The following RPS6KC1 variants were observed in gnomAD, a reference collection of about 807,000 sequenced individuals.
RPS6KC1 encodes inactive ribosomal protein S6 kinase delta-1.
In RPS6KC1, 54 loss-of-function variants were observed where a neutral mutation model predicts 103.8. That is an observed-to-expected ratio of 0.52 (90% CI 0.42 to 0.65). RPS6KC1 has a LOEUF of 0.65. RPS6KC1 is among the 30% of genes least tolerant of loss of function. The probability of loss-of-function intolerance (pLI) is 0.00; values close to 1 mark genes in which losing one functional copy is unlikely to be tolerated. For missense variants in RPS6KC1, 1,151 were observed against 1,253.8 expected (o/e 0.92, Z 1.24); for synonymous variants, 439 against 438.7 (o/e 1.00, Z -0.01).
chr1:213,482,092 A>C, the RPS6KC1 span, among the ~76,000 whole-genome samples: 4 of 152,212 alleles, frequency 2.6e-5, no homozygotes, highest in African/African-American at 9.7e-5. Context: ...CCAGAAGCGA[A>C]GTGAATGCTG....
the RPS6KC1 span, among the ~76,000 whole-genome samples, chr1:213,504,947 C>G: frequency 6.6e-6 from 1 of 152,138 alleles, no homozygotes; most frequent in Non-Finnish European, 1.5e-5. Flanking sequence ...ATGTTTACCT[C>G]ATTCCTAATC....
chr1:213,765,343 A>G, the RPS6KC1 span, among the ~76,000 whole-genome samples: 1 of 152,106 alleles, frequency 6.6e-6, no homozygotes, highest in Non-Finnish European at 1.5e-5. Flanking sequence ...AAAGACAGGA[A>G]TCTCATCTCT....
chr1:213,332,128 A>G, the RPS6KC1 span, among the ~76,000 whole-genome samples: 2 of 152,110 alleles, frequency 1.3e-5, no homozygotes, highest in South Asian at 2.1e-4. Flanking sequence ...AATGTTTCAG[A>G]TGCATAACTT....
the RPS6KC1 span, among the ~76,000 whole-genome samples, chr1:213,407,356 GC>G: frequency 2.6e-5 from 4 of 152,094 alleles, no homozygotes; most frequent in Non-Finnish European, 5.9e-5. Flanking sequence ...GATTAAAGGG[GC>G]CCTAGATTTT....
chr1:213,353,200 A>G, the RPS6KC1 span, among the ~76,000 whole-genome samples: 15 of 152,362 alleles, frequency 9.8e-5, no homozygotes, highest in African/African-American at 3.4e-4. Flanking sequence ...TGCTTGGCCC[A>G]GAGTTGATGT....
chr1:213,394,469 G>A, the RPS6KC1 span, among the ~76,000 whole-genome samples: 1 of 151,550 alleles, frequency 6.6e-6, no homozygotes, highest in African/African-American at 2.4e-5. Flanking sequence ...GCCTCGGAAT[G>A]CTGGTTGCTA....
chr1:213,477,000 G>A, the RPS6KC1 span, among the ~76,000 whole-genome samples: 1 of 152,148 alleles, frequency 6.6e-6, no homozygotes, highest in Non-Finnish European at 1.5e-5. Context: ...TCCAAAGAGG[G>A]ACACAATTAC....
the RPS6KC1 span, among the ~76,000 whole-genome samples, chr1:213,606,242 AC>A: frequency 1.3e-5 from 2 of 152,096 alleles, no homozygotes; most frequent in African/African-American, 4.8e-5. Context: ...GAGGAAAAAA[AC>A]CCTCTTATTT....
chr1:213,737,781 T>C, the RPS6KC1 span, among the ~76,000 whole-genome samples: 2 of 152,220 alleles, frequency 1.3e-5, no homozygotes, highest in Non-Finnish European at 2.9e-5. Context: ...TAGCAACTTA[T>C]ACCTACAGGC....
chr1:213,716,474 T>C, the RPS6KC1 span, among the ~76,000 whole-genome samples: 3 of 152,196 alleles, frequency 2.0e-5, no homozygotes, highest in Non-Finnish European at 4.4e-5. Context: ...CCTTCAACAA[T>C]CTCAGGCCTC....
the RPS6KC1 span, among the ~76,000 whole-genome samples, chr1:213,351,985 T>C: frequency 6.6e-6 from 1 of 152,102 alleles, no homozygotes; most frequent in East Asian, 1.9e-4. Flanking sequence ...TTTTCTTTTT[T>C]TCTTTTTTTA....
At chr1:213,182,064 G>A (rs1558490496) in intron 8 of RPS6KC1, among the ~76,000 whole-genome samples, 1 of 152,146 alleles carries the variant, frequency 6.6e-6, no homozygotes, top group Non-Finnish European at 1.5e-5. Context: ...GGAGAGTAAA[G>A]GGACATAAAG....
intron 6 of RPS6KC1, among the ~76,000 whole-genome samples, chr1:213,165,536 G>T (rs2090888567): frequency 6.6e-6 from 1 of 152,098 alleles, no homozygotes; most frequent in Non-Finnish European, 1.5e-5. Flanking sequence ...CCATTCTCCT[G>T]CCTCAGCCTC....
At chr1:213,243,126 G>T (rs1035125780) in intron 12 of RPS6KC1, among the ~76,000 whole-genome samples, 6 of 151,968 alleles carry the variant, frequency 3.9e-5, no homozygotes, top group Non-Finnish European at 8.8e-5. Context: ...CTTCTGAGTA[G>T]CTGGGACTAC....
intron 7 of RPS6KC1, among the ~76,000 whole-genome samples, chr1:213,170,312 A>C (rs985679541): frequency 2.6e-5 from 4 of 152,190 alleles, no homozygotes; most frequent in African/African-American, 9.6e-5. Context: ...TATCAGTCAG[A>C]ATTTCTTCAA....
the RPS6KC1 span, among the ~76,000 whole-genome samples, chr1:213,388,813 C>T: frequency 6.6e-6 from 1 of 152,150 alleles, no homozygotes; most frequent in African/African-American, 2.4e-5. Context: ...TGATGACCGC[C>T]CTGGCGAGGG....
At chr1:213,318,295 T>G in the RPS6KC1 span, among the ~76,000 whole-genome samples, 1 of 152,264 alleles carries the variant, frequency 6.6e-6, no homozygotes, top group Non-Finnish European at 1.5e-5. Context: ...TAGAATTAAA[T>G]TAGAGCCTCC....
intron 3 of RPS6KC1, among the ~76,000 whole-genome samples, chr1:213,100,829 C>A (rs1015568238): frequency 9.9e-5 from 15 of 151,208 alleles, no homozygotes; most frequent in African/African-American, 3.6e-4. Context: ...TTTATCCAGT[C>A]CACTGTTGAT....
At chr1:213,289,253 CAAAAAAAAAAAA>C in the RPS6KC1 span, among the ~76,000 whole-genome samples, 13 of 77,100 alleles carry the variant, frequency 1.7e-4, no homozygotes, top group African/African-American at 6.8e-4. Flanking sequence ...GTTGGATGCT[CAAAAAAAAAAAA>C]AAAAAAAAAA....
Sources: gnomAD v4.1 joint callset for allele counts (sites outside exome capture counted in the v4.1 genomes callset) on GRCh38, gnomAD v4.1.1 for gene constraint, MANE v1.5 for transcripts, NCBI Gene and HGNC (gene_info 2026-07-23, HGNC 2026-07-21) for gene names.